Variants in CFDP1 observed in about 807,000 individuals in gnomAD.
The protein encoded by CFDP1 is heterochromatin-stabilizing protein CFDP1.
CFDP1 carries 31 observed loss-of-function variants against 40.1 expected under a neutral mutation model. That is an observed-to-expected ratio of 0.77 (90% CI 0.58 to 1.04). The LOEUF (loss-of-function observed/expected upper bound fraction) is 1.04, where lower values mean the gene tolerates loss of function less well. CFDP1 is among the 50% of genes least tolerant of loss of function. The pLI is 0.00. For missense variants in CFDP1, 423 were observed against 343.4 expected (o/e 1.23, Z -1.83); for synonymous variants, 167 against 120.0 (o/e 1.39, Z -2.56).
chr16:75,304,953 T>G, intron 6 of CFDP1, 71 bp downstream of exon 6: 2 of 1,501,958 alleles, frequency 1.3e-6, no homozygotes, highest in Non-Finnish European at 1.8e-6. Flanking sequence ...AGTGGGCAGT[T>G]TGTCTCCAAT....
At chr16:75,384,522 T>C (rs1287535438) in intron 5 of CFDP1, among the ~76,000 whole-genome samples, 5 of 152,172 alleles carry the variant, frequency 3.3e-5, no homozygotes, top group Admixed American at 6.5e-5. Flanking sequence ...TGACTTCAAA[T>C]TGCTTCTGCC....
intron 5 of CFDP1, among the ~76,000 whole-genome samples, chr16:75,384,171 A>G (rs2078873585): frequency 6.6e-6 from 1 of 152,158 alleles, no homozygotes; most frequent in African/African-American, 2.4e-5. Context: ...AGCCTGGCCA[A>G]CAAGGCGAAA....
intron 5 of CFDP1, among the ~76,000 whole-genome samples, chr16:75,386,623 G>A (rs985619795): frequency 2.0e-5 from 3 of 152,160 alleles, no homozygotes; most frequent in Non-Finnish European, 4.4e-5. Context: ...TACTTGGGAG[G>A]CTGAGGCAGG....
rs150021488 is a variant in CFDP1, at chr16:75,316,073, T to C, written c.651-10891A>G. Among the ~76,000 whole-genome samples, 446 of 151,318 alleles carry C rather than the reference T, an allele frequency of 2.9e-3. 3 individuals are homozygous for C. The highest frequency in any genetic ancestry group is 9.8e-3 in the African/African-American group (402 of 40,944). The stretch of plus-strand genomic sequence containing the variant: ...AATGTTGCTCATTGGATTTATCTGT[T>C]TCCTATGACTAGATTCAGGTTAAAT... On this transcript the variant is annotated intron_variant, in intron 5 of 6. Coordinates refer to ENST00000283882, the MANE Select transcript of CFDP1 (RefSeq NM_006324.3).
At chr16:75,313,014 G>A (rs1257828179) in intron 5 of CFDP1, among the ~76,000 whole-genome samples, 2 of 152,170 alleles carry the variant, frequency 1.3e-5, no homozygotes, top group African/African-American at 4.8e-5. Context: ...CTCAGTACTA[G>A]CACCAAGAGA....
At chr16:75,370,949 A>G (rs898071789) in intron 5 of CFDP1, among the ~76,000 whole-genome samples, 2 of 152,224 alleles carry the variant, frequency 1.3e-5, no homozygotes, top group Non-Finnish European at 2.9e-5. Context: ...TACAAAATTC[A>G]GGTTGGGATC....
At chr16:75,319,957 A>C (rs923694570) in intron 5 of CFDP1, among the ~76,000 whole-genome samples, 23 of 152,236 alleles carry the variant, frequency 1.5e-4, no homozygotes, top group African/African-American at 5.3e-4. Context: ...GCATGCAGGA[A>C]ATGGTTTTCA....
At chr16:75,339,699 GCTT>G (rs1363409221) in intron 5 of CFDP1, among the ~76,000 whole-genome samples, 1 of 152,128 alleles carries the variant, frequency 6.6e-6, no homozygotes, top group Non-Finnish European at 1.5e-5. Flanking sequence ...TTCTCAGGAT[GCTT>G]CTTTTCTTCT....
At chr16:75,428,036 A>C (rs1427171307) in intron 1 of CFDP1, among the ~76,000 whole-genome samples, 1 of 152,208 alleles carries the variant, frequency 6.6e-6, no homozygotes, top group Non-Finnish European at 1.5e-5. Context: ...AAAAAGGCAA[A>C]ACTATAAAGA....
chr16:75,318,817 T>C (rs749366242), intron 5 of CFDP1, among the ~76,000 whole-genome samples: 1 of 152,226 alleles, frequency 6.6e-6, no homozygotes, highest in Non-Finnish European at 1.5e-5. Context: ...TTAACATAAA[T>C]TTTAAATTCT....
intron 5 of CFDP1, among the ~76,000 whole-genome samples, chr16:75,360,323 A>G (rs1030672797): frequency 6.6e-6 from 1 of 152,246 alleles, no homozygotes; most frequent in Non-Finnish European, 1.5e-5. Context: ...AGAAAGTAAG[A>G]ATACTTTTCA....
intron 5 of CFDP1, among the ~76,000 whole-genome samples, chr16:75,373,033 G>C (rs922447866): frequency 1.3e-5 from 2 of 152,176 alleles, no homozygotes; most frequent in Non-Finnish European, 2.9e-5. Context: ...GATTCCTGAT[G>C]CAGGAACTGA....
chr16:75,374,845 A>T (rs752681707), intron 5 of CFDP1, among the ~76,000 whole-genome samples: 1 of 152,220 alleles, frequency 6.6e-6, no homozygotes, highest in Non-Finnish European at 1.5e-5. Flanking sequence ...CTAATTCTTC[A>T]AAATTTAGTG....
intron 5 of CFDP1, among the ~76,000 whole-genome samples, chr16:75,355,391 GCTTT>G (rs1216573231): frequency 6.6e-6 from 1 of 152,152 alleles, no homozygotes; most frequent in Non-Finnish European, 1.5e-5. Flanking sequence ...CCCTGCTATT[GCTTT>G]ATCAACTAAA....
At chr16:75,304,578 T>A (rs554144495) in intron 6 of CFDP1, among the ~76,000 whole-genome samples, 2 of 152,266 alleles carry the variant, frequency 1.3e-5, no homozygotes, top group South Asian at 4.1e-4. Context: ...CCCCAGGCCA[T>A]AATGACACAG....
In CFDP1 at chr16:75,433,391, C is replaced by G. The variant is rs1431131852; in HGVS notation, c.-39G>C. 5.8e-6 allele frequency: 9 copies of G among 1,557,758 alleles called. No homozygotes were observed. Among genetic ancestry groups the G allele is most frequent in the African/African-American group, 1.4e-5 (1 of 73,610 alleles). ...GACGCTGGTCAAACTCACAAGACCG[C>G]AGCAGCCGCCTCCAACGGCAAAGCT... On this transcript the variant is annotated 5_prime_UTR_variant, in exon 1 of 7. Transcript: ENST00000283882.
intron 4 of CFDP1, among the ~76,000 whole-genome samples, chr16:75,399,538 TTTC>T (rs1231638093): frequency 3.3e-5 from 5 of 152,124 alleles, no homozygotes; most frequent in African/African-American, 1.2e-4. Flanking sequence ...CCAACAGAAT[TTTC>T]TTCTTCTTTT....
chr16:75,406,918 GAC>G (rs2079105075), intron 4 of CFDP1, among the ~76,000 whole-genome samples: 1 of 152,184 alleles, frequency 6.6e-6, no homozygotes. Flanking sequence ...CTACTCGAGA[GAC>G]TGAGGCAGGA....
chr16:75,411,519 A>T (rs2079162482), intron 4 of CFDP1, among the ~76,000 whole-genome samples: 1 of 152,230 alleles, frequency 6.6e-6, no homozygotes, highest in African/African-American at 2.4e-5. Flanking sequence ...AGAGTAATAA[A>T]GGGAGACATG....
Sources: gnomAD v4.1 joint callset for allele counts (sites outside exome capture counted in the v4.1 genomes callset) on GRCh38, gnomAD v4.1.1 for gene constraint, MANE v1.5 for transcripts, NCBI Gene and HGNC (gene_info 2026-07-23, HGNC 2026-07-21) for gene names.